The following PHF21A variants were observed in gnomAD, a reference collection of about 807,000 sequenced individuals.
PHF21A encodes BHC80a.
A neutral mutation model predicts 82.5 loss-of-function variants in PHF21A; 11 were observed. That is an observed-to-expected ratio of 0.13 (90% CI 0.08 to 0.22). PHF21A has a LOEUF of 0.22. PHF21A is among the 10% of genes least tolerant of loss of function. The pLI, the probability that PHF21A is intolerant of heterozygous loss-of-function variation, is 1.00. For missense variants in PHF21A, 579 were observed against 837.8 expected (o/e 0.69, Z 3.81); for synonymous variants, 297 against 302.8 (o/e 0.98, Z 0.20).
rs1156937016 is a variant in PHF21A at position 46,032,827 on chromosome 11, C to A, written c.153+43927G>T. ...CTGAGCATCGCTTCATATTTATTGG[C>A]CATTAATGATTTTAATATGTTTAAT... On this transcript the variant is annotated intron_variant, in intron 6 of 18. Coordinates refer to ENST00000676320, the MANE Select transcript of PHF21A (RefSeq NM_001352027.3). Among the ~76,000 whole-genome samples, 6 of 152,104 alleles carry A rather than the reference C, an allele frequency of 3.9e-5. No homozygotes were observed. In the East Asian group the frequency reaches 1.2e-3, roughly 29 times the overall value.
chr11:46,074,503 A>T (rs1372850934), intron 6 of PHF21A, among the ~76,000 whole-genome samples: 1 of 152,006 alleles, frequency 6.6e-6, no homozygotes, highest in South Asian at 2.1e-4. Flanking sequence ...TTCTAAAATA[A>T]AACTATTTTA....
intron 6 of PHF21A, among the ~76,000 whole-genome samples, chr11:46,024,178 T>C (rs1322445931): frequency 6.6e-6 from 1 of 152,196 alleles, no homozygotes; most frequent in Non-Finnish European, 1.5e-5. Context: ...TTCTTTCTCC[T>C]CCTTCCCATC....
intron 10 of PHF21A, among the ~76,000 whole-genome samples, chr11:45,955,818 T>C (rs1385843302): frequency 6.6e-6 from 1 of 152,104 alleles, no homozygotes; most frequent in Admixed American, 6.6e-5. Flanking sequence ...GAGGCCCAGG[T>C]GTGAGGAACG....
intron 9 of PHF21A, among the ~76,000 whole-genome samples, chr11:45,968,931 CAAAAAAAAAA>C (rs59583388): frequency 0.51 from 44,012 of 85,586 alleles, 8,244 homozygotes; most frequent in East Asian, 0.82. Flanking sequence ...AACTCCATTG[CAAAAAAAAAA>C]AAAAAAAAAA....
intron 6 of PHF21A, among the ~76,000 whole-genome samples, chr11:46,033,744 A>G (rs1264074058): frequency 6.6e-6 from 1 of 152,238 alleles, no homozygotes; most frequent in Non-Finnish European, 1.5e-5. Context: ...AGTGTAAAAT[A>G]TAAACACCGG....
At chr11:45,956,183 G>A (rs921458941) in intron 10 of PHF21A, among the ~76,000 whole-genome samples, 47 of 152,220 alleles carry the variant, frequency 3.1e-4, no homozygotes, top group Admixed American at 1.6e-3. Context: ...AGTCCCTTCA[G>A]GCTGAAATGA....
chr11:46,031,051 T>C (rs1455949897), intron 6 of PHF21A, among the ~76,000 whole-genome samples: 1 of 152,140 alleles, frequency 6.6e-6, no homozygotes, highest in East Asian at 1.9e-4. Context: ...TTACAGGAAA[T>C]TCATGTACGA....
chr11:46,018,191 A>G (rs971932892), intron 6 of PHF21A, among the ~76,000 whole-genome samples: 1 of 149,962 alleles, frequency 6.7e-6, no homozygotes, highest in Non-Finnish European at 1.5e-5. Context: ...CGGAGCTTGC[A>G]GTGAGCTGAG....
At position 45,933,832 on chromosome 11, in the gene PHF21A, C is replaced by T; in HGVS notation, c.*136G>A. 1.3e-6 allele frequency: 1 copy of T among 799,572 alleles called. No homozygotes were observed. Among genetic ancestry groups the T allele is most frequent in the South Asian group, 2.5e-5 (1 of 39,618 alleles). 49.5% of individuals were successfully genotyped at this position (799,572 alleles called of 1,614,324 possible). A position where few individuals can be genotyped will look rare whatever the true frequency, so the allele number is the denominator to read the frequency against. ...AAACTCTGGTGCCACCTGGCACAAG[C>T]ATCTTCTCTCTCTCTGGAACCAAAG... On this transcript the variant is annotated 3_prime_UTR_variant, in exon 19 of 19. Transcript: ENST00000676320.
intron 6 of PHF21A, among the ~76,000 whole-genome samples, chr11:45,996,567 T>C (rs534344039): frequency 1.8e-4 from 28 of 152,332 alleles, no homozygotes; most frequent in African/African-American, 6.7e-4. Flanking sequence ...GAGTTTTTAA[T>C]GCAGTGCCAG....
intron 6 of PHF21A, among the ~76,000 whole-genome samples, chr11:46,068,868 A>G (rs186438440): frequency 2.6e-5 from 4 of 152,328 alleles, no homozygotes; most frequent in Non-Finnish European, 5.9e-5. Context: ...CATCTGGTAC[A>G]AGTAACCAAC....
rs1375200881 is a variant in PHF21A at position 45,979,806 on chromosome 11, T to C, written c.314A>G (p.His105Arg). The C allele has an allele frequency of 6.2e-7, 1 of 1,612,126 alleles. No homozygotes were observed. Among genetic ancestry groups the C allele is most frequent in the Non-Finnish European group, 8.5e-7 (1 of 1,178,484 alleles). The change falls in exon 7 of 19, where the codon CAC becomes CGC. Residue 105 changes from histidine (H) to arginine (R), a missense_variant. Physicochemically the swap from His to Arg is conservative, Grantham distance 29. Coordinates refer to ENST00000676320, the MANE Select transcript of PHF21A (RefSeq NM_001352027.3). ...AGAGGCTGCAGCTGACTGCTGGGCG[T>C]GGTGGTGGTGGTACTGCTGCTGTTG... ...LQQQQQYHHHHAQQSAAASPN... is the reference protein window; with the variant it reads ...LQQQQQYHHHRAQQSAAASPN...
At chr11:45,949,926 C>T (rs182115466) in intron 12 of PHF21A, among the ~76,000 whole-genome samples, 7 of 152,250 alleles carry the variant, frequency 4.6e-5, no homozygotes, top group Admixed American at 2.6e-4. Context: ...AAGAGCACTT[C>T]GCTGTGCTGT....
At chr11:46,004,028 G>A (rs1278634213) in intron 6 of PHF21A, among the ~76,000 whole-genome samples, 1 of 152,022 alleles carries the variant, frequency 6.6e-6, no homozygotes, top group Non-Finnish European at 1.5e-5. Flanking sequence ...TTAGAAAAGT[G>A]GTAATTTCAG....
chr11:46,083,352 T>C (rs1157044548), intron 4 of PHF21A, among the ~76,000 whole-genome samples: 1 of 152,188 alleles, frequency 6.6e-6, no homozygotes, highest in Non-Finnish European at 1.5e-5. Context: ...GCAAATCTAG[T>C]AGTTACCAAA....
At chr11:46,115,756 C>T (rs2097281843) in intron 1 of PHF21A, among the ~76,000 whole-genome samples, 1 of 152,158 alleles carries the variant, frequency 6.6e-6, no homozygotes, top group Non-Finnish European at 1.5e-5. Flanking sequence ...AGACCTAAAA[C>T]TTTAATTCCT....
chr11:46,059,940 G>A (rs1403285231), intron 6 of PHF21A, among the ~76,000 whole-genome samples: 4 of 151,950 alleles, frequency 2.6e-5, no homozygotes, highest in South Asian at 2.1e-4. Context: ...ATGGGGTTTC[G>A]CCGATGTTGG....
rs935131900 is a variant in PHF21A at position 45,933,399 on chromosome 11, C to G, written c.*569G>C. The G allele has an allele frequency of 6.5e-6, 1 of 152,690 alleles. No homozygotes were observed. The highest frequency in any genetic ancestry group is 1.5e-5 in the Non-Finnish European group (1 of 68,076). The allele number at this position is 152,690 out of a possible 1,614,324, so 9.5% of individuals were successfully genotyped here. On this transcript the variant is annotated 3_prime_UTR_variant, in exon 19 of 19. Coordinates refer to ENST00000676320, the MANE Select transcript of PHF21A (RefSeq NM_001352027.3). ...GTGATTAAATACTGCTTATTTGATA[C>G]ACTGTCCCACCCCCTGCTCCCTCCA...
At chr11:46,068,550 T>C (rs775884838) in intron 6 of PHF21A, among the ~76,000 whole-genome samples, 7 of 152,074 alleles carry the variant, frequency 4.6e-5, no homozygotes, top group Non-Finnish European at 1.0e-4. Context: ...ATATGTTCTA[T>C]GCAAAAGAAA....
Sources: allele counts gnomAD v4.1 joint callset (sites outside exome capture counted in the v4.1 genomes callset), GRCh38; gene constraint gnomAD v4.1.1; transcripts MANE v1.5; gene names NCBI Gene and HGNC (gene_info 2026-07-23, HGNC 2026-07-21).